Variants in RIMS2 observed in about 807,000 individuals in gnomAD.
RIMS2 encodes regulating synaptic membrane exocytosis 2.
A neutral mutation model predicts 174.4 loss-of-function variants in RIMS2; 59 were observed. The ratio of observed to expected loss-of-function variants is 0.34; its 90% CI spans 0.27 to 0.42. The LOEUF (loss-of-function observed/expected upper bound fraction) is 0.42, where lower values mean the gene tolerates loss of function less well. RIMS2 is among the 10% of genes least tolerant of loss of function. The probability of loss-of-function intolerance (pLI) is 1.00; values close to 1 mark genes in which losing one functional copy is unlikely to be tolerated. For synonymous variants in RIMS2, 606 were observed against 572.5 expected (o/e 1.06, Z -0.84); for missense variants, 1,620 against 1,666.3 (o/e 0.97, Z 0.48).
In RIMS2 at chr8:103,915,599, G is replaced by T; in HGVS notation, c.1912+5G>T. 6.8e-7 allele frequency: 1 copy of T among 1,463,126 alleles called. No individual in the cohort carries two copies. Among genetic ancestry groups the T allele is most frequent in the Non-Finnish European group, 9.5e-7 (1 of 1,052,800 alleles). 90.6% of individuals were successfully genotyped at this position (1,463,126 alleles called of 1,614,324 possible). On this transcript the variant is annotated splice_donor_5th_base_variant and intron_variant, in intron 7 of 23. Transcript: ENST00000504942. ...CTGTAGGACATCTTAGACCAGGTAG[G>T]GTTTTACCTTTGATTATTTACATTT...
At chr8:103,895,211 G>T (rs2099270743) in intron 4 of RIMS2, among the ~76,000 whole-genome samples, 1 of 143,930 alleles carries the variant, frequency 6.9e-6, no homozygotes, top group African/African-American at 2.6e-5. Context: ...ATTTTTAATA[G>T]CTGCTTTAAA....
intron 19 of RIMS2, among the ~76,000 whole-genome samples, chr8:104,236,141 C>T (rs2099257338): frequency 6.6e-6 from 1 of 151,466 alleles, no homozygotes; most frequent in African/African-American, 2.4e-5. Context: ...GATGTGATTA[C>T]ATTGAGTTAA....
chr8:103,732,707 C>T (rs1392706850), intron 2 of RIMS2, among the ~76,000 whole-genome samples: 2 of 152,156 alleles, frequency 1.3e-5, no homozygotes, highest in Non-Finnish European at 2.9e-5. Context: ...AGAGGACTTT[C>T]CCTTCATCAC....
intron 19 of RIMS2, among the ~76,000 whole-genome samples, chr8:104,150,951 C>G (rs562180859): frequency 6.6e-6 from 1 of 152,166 alleles, no homozygotes; most frequent in Non-Finnish European, 1.5e-5. Context: ...AATCCTTCTT[C>G]TCTTGGAGCT....
chr8:103,921,956 CTTCAT>C (rs1057251889), intron 10 of RIMS2, 172 bp downstream of exon 13: 2 of 392,446 alleles, frequency 5.1e-6, no homozygotes, highest in African/African-American at 4.2e-5. Context: ...TATCATACTG[CTTCAT>C]TTATTAAGAG....
chr8:103,722,245 A>C (rs2097458570), intron 2 of RIMS2, among the ~76,000 whole-genome samples: 2 of 152,098 alleles, frequency 1.3e-5, no homozygotes. Context: ...ATGGTGGCAC[A>C]TGCCTGTAGT....
intron 14 of RIMS2, among the ~76,000 whole-genome samples, chr8:103,945,856 G>A (rs2083614131): frequency 6.6e-6 from 1 of 151,806 alleles, no homozygotes; most frequent in African/African-American, 2.4e-5. Flanking sequence ...GACCACCTAT[G>A]AACACCCTTT....
At chr8:103,707,497 C>G (rs1340213110) in intron 2 of RIMS2, among the ~76,000 whole-genome samples, 1 of 152,202 alleles carries the variant, frequency 6.6e-6, no homozygotes, top group African/African-American at 2.4e-5. Context: ...AGAGGGCACT[C>G]TAAGCCCATG....
chr8:103,773,712 A>G (rs1195344336), intron 3 of RIMS2, among the ~76,000 whole-genome samples: 2 of 150,204 alleles, frequency 1.3e-5, no homozygotes, highest in Non-Finnish European at 3.0e-5. Flanking sequence ...CCTGGGCGAC[A>G]AGAGCAAAAC....
intron 14 of RIMS2, among the ~76,000 whole-genome samples, chr8:103,953,221 G>A (rs2085986929): frequency 6.7e-6 from 1 of 149,698 alleles, no homozygotes; most frequent in Non-Finnish European, 1.5e-5. Context: ...GGCAAGGCAG[G>A]CCAACATTCA....
intron 1 of RIMS2, among the ~76,000 whole-genome samples, chr8:103,509,143 G>A (rs965810930): frequency 7.9e-5 from 12 of 152,020 alleles, no homozygotes; most frequent in African/African-American, 2.9e-4. Flanking sequence ...GGACCAAAAG[G>A]GACAAAGAAG....
chr8:103,889,362 A>G (rs1040257676), intron 4 of RIMS2, among the ~76,000 whole-genome samples: 2 of 151,598 alleles, frequency 1.3e-5, no homozygotes, highest in Non-Finnish European at 3.0e-5. Context: ...GTGTTTTACA[A>G]CTCAGATCTC....
intron 1 of RIMS2, among the ~76,000 whole-genome samples, chr8:103,543,829 T>C (rs1025664176): frequency 6.6e-6 from 1 of 152,198 alleles, no homozygotes. Context: ...TGTCACACCA[T>C]GTGCAAAAAT....
intron 7 of RIMS2, among the ~76,000 whole-genome samples, chr8:103,915,931 G>A (rs1252800799): frequency 6.6e-6 from 1 of 151,884 alleles, no homozygotes; most frequent in Non-Finnish European, 1.5e-5. Context: ...CCTACCGTGT[G>A]TGTCACCCCT....
intron 3 of RIMS2, among the ~76,000 whole-genome samples, chr8:103,832,559 C>A (rs1332861041): frequency 6.6e-6 from 1 of 152,072 alleles, no homozygotes; most frequent in African/African-American, 2.4e-5. Context: ...TCCAAAAGGC[C>A]CCAGTTTGTG....
intron 2 of RIMS2, among the ~76,000 whole-genome samples, chr8:103,736,690 T>C (rs765557811): frequency 3.3e-5 from 5 of 152,196 alleles, no homozygotes; most frequent in Admixed American, 3.3e-4. Context: ...GAATTGGATT[T>C]TGTATGGAAA....
At chr8:103,590,384 C>G (rs965695310) in intron 1 of RIMS2, among the ~76,000 whole-genome samples, 2 of 151,208 alleles carry the variant, frequency 1.3e-5, no homozygotes, top group Admixed American at 1.3e-4. Flanking sequence ...CCACGAAGCC[C>G]CAGGTGTCTG....
intron 19 of RIMS2, among the ~76,000 whole-genome samples, chr8:104,102,500 G>A (rs973046287): frequency 3.3e-5 from 5 of 152,090 alleles, no homozygotes; most frequent in African/African-American, 1.2e-4. Context: ...AGTTTAATAG[G>A]AAATTCTTAT....
intron 19 of RIMS2, among the ~76,000 whole-genome samples, chr8:104,104,897 G>T (rs1029199234): frequency 7.0e-6 from 1 of 141,864 alleles, no homozygotes; most frequent in African/African-American, 2.6e-5. Flanking sequence ...AAAAAAAAAA[G>T]AGAGAACATG....
Sources: gnomAD v4.1 joint callset for allele counts (sites outside exome capture counted in the v4.1 genomes callset) on GRCh38, gnomAD v4.1.1 for gene constraint, MANE v1.5 for transcripts, NCBI Gene and HGNC (gene_info 2026-07-23, HGNC 2026-07-21) for gene names.